The following CTNNA3 variants were observed in gnomAD, a reference collection of about 807,000 sequenced individuals.
The protein encoded by CTNNA3 is catenin alpha 3.
In CTNNA3, 76 loss-of-function variants were observed where a neutral mutation model predicts 95.7. The ratio of observed to expected loss-of-function variants is 0.79; its 90% CI spans 0.66 to 0.96. The LOEUF (loss-of-function observed/expected upper bound fraction) is 0.96. CTNNA3 is among the 40% of genes least tolerant of loss of function. The pLI, the probability that CTNNA3 is intolerant of heterozygous loss-of-function variation, is 0.00. For synonymous variants in CTNNA3, 431 were observed against 374.4 expected (o/e 1.15, Z -1.74); for missense variants, 1,191 against 1,089.8 (o/e 1.09, Z -1.31).
At chr10:66,871,863 A>G (rs1448598836) in intron 7 of CTNNA3, among the ~76,000 whole-genome samples, 1 of 152,226 alleles carries the variant, frequency 6.6e-6, no homozygotes, top group African/African-American at 2.4e-5. Flanking sequence ...ATTTTATACG[A>G]TAAATTTCAT....
At chr10:66,078,128 G>A (rs1039820636) in intron 14 of CTNNA3, among the ~76,000 whole-genome samples, 4 of 151,810 alleles carry the variant, frequency 2.6e-5, no homozygotes, top group African/African-American at 7.2e-5. Context: ...TACATTTTTA[G>A]ACAGAGGTAG....
chr10:67,325,340 C>T (rs1841497004), intron 5 of CTNNA3, among the ~76,000 whole-genome samples: 1 of 151,986 alleles, frequency 6.6e-6, no homozygotes, highest in Non-Finnish European at 1.5e-5. Context: ...GTTAACTTGA[C>T]ATCTTTCTAA....
chr10:66,637,777 A>G (rs1368353694), intron 9 of CTNNA3, among the ~76,000 whole-genome samples: 1 of 152,180 alleles, frequency 6.6e-6, no homozygotes, highest in African/African-American at 2.4e-5. Flanking sequence ...GAGAATGCCA[A>G]TAAAAGCCCA....
chr10:66,513,522 A>G, intron 11 of CTNNA3, among the ~76,000 whole-genome samples: 1 of 152,156 alleles, frequency 6.6e-6, no homozygotes, highest in East Asian at 1.9e-4. Flanking sequence ...CATTGCATGG[A>G]CCAGTTCTCA....
chr10:67,424,682 T>C lies in CTNNA3; in HGVS notation c.579+97160A>G, dbSNP rs571220606. Among the ~76,000 whole-genome samples the C allele has an allele frequency of 5.9e-5, 9 of 152,204 alleles. No individual in the cohort carries two copies. In the South Asian group the frequency reaches 1.9e-3, roughly 31 times the overall value. On this transcript the variant is annotated intron_variant, in intron 5 of 17. Coordinates refer to ENST00000433211, the MANE Select transcript of CTNNA3 (RefSeq NM_013266.4). ...AAAACAGAAAAAATAGAATCATCAT[T>C]ATACTCAATAATTTTCTTCCTAGCA... is the stretch of plus-strand genomic sequence containing the variant.
intron 13 of CTNNA3, among the ~76,000 whole-genome samples, chr10:66,169,643 T>C (rs1353036937): frequency 6.6e-6 from 1 of 152,198 alleles, no homozygotes; most frequent in Non-Finnish European, 1.5e-5. Flanking sequence ...CCACCAGCAG[T>C]GTAGAAGTGT....
intron 13 of CTNNA3, among the ~76,000 whole-genome samples, chr10:66,176,083 T>G (rs1589642068): frequency 6.6e-6 from 1 of 152,306 alleles, no homozygotes; most frequent in East Asian, 1.9e-4. Context: ...ATTATAATTG[T>G]AAAGAAATCT....
At chr10:66,079,987 A>G (rs2080692950) in intron 14 of CTNNA3, among the ~76,000 whole-genome samples, 1 of 152,078 alleles carries the variant, frequency 6.6e-6, no homozygotes, top group Non-Finnish European at 1.5e-5. Context: ...TACTACTATT[A>G]TTTCTTTCTG....
At position 66,624,639 on chromosome 10, in the gene CTNNA3, C is replaced by T. The variant is rs992466139; in HGVS notation, c.1282-2855G>A. On this transcript the variant is annotated intron_variant, in intron 9 of 17. Coordinates refer to ENST00000433211, the MANE Select transcript of CTNNA3 (RefSeq NM_013266.4). ...CCCTACTGAAAGGCATTCATTAAAA[C>T]GAGAGAAATGAAAGGAAAAACTCAA... Among the ~76,000 whole-genome samples, 12 of 152,048 alleles carry T rather than the reference C, an allele frequency of 7.9e-5. No homozygotes were observed. The South Asian group carries it at 1.2e-3, about 16-fold the overall frequency.
chr10:66,103,379 T>C, intron 13 of CTNNA3, 130 bp from the exon 14 acceptor site: 2 of 687,576 alleles, frequency 2.9e-6, no homozygotes, highest in South Asian at 3.3e-5. Flanking sequence ...CTCCCAGTTA[T>C]ATACTCAAGA....
chr10:67,070,544 C>T (rs748392002), intron 7 of CTNNA3, among the ~76,000 whole-genome samples: 4 of 151,974 alleles, frequency 2.6e-5, no homozygotes, highest in Admixed American at 6.6e-5. Context: ...GTCCGGAGAT[C>T]GAGACCATCT....
intron 7 of CTNNA3, among the ~76,000 whole-genome samples, chr10:66,909,419 A>G (rs1846128626): frequency 6.6e-6 from 1 of 152,134 alleles, no homozygotes. Flanking sequence ...TTGATGCAGG[A>G]GAATTGCTTG....
At chr10:66,190,764 A>C (rs1182698363) in intron 13 of CTNNA3, among the ~76,000 whole-genome samples, 1 of 151,996 alleles carries the variant, frequency 6.6e-6, no homozygotes, top group African/African-American at 2.4e-5. Context: ...CACTCAAGTA[A>C]CTGGCCCATC....
intron 13 of CTNNA3, among the ~76,000 whole-genome samples, chr10:66,133,471 C>T (rs2083214320): frequency 6.6e-6 from 1 of 151,496 alleles, no homozygotes; most frequent in Admixed American, 6.6e-5. Context: ...CGAGATCACG[C>T]CATTGCACTA....
chr10:66,033,920 C>G (rs146451621), intron 15 of CTNNA3, among the ~76,000 whole-genome samples: 2 of 152,146 alleles, frequency 1.3e-5, no homozygotes, highest in African/African-American at 4.8e-5. Flanking sequence ...CCCGGCTGCT[C>G]GCATTCAAAT....
At chr10:67,367,875 GACA>G (rs1222583609) in intron 5 of CTNNA3, among the ~76,000 whole-genome samples, 23 of 152,112 alleles carry the variant, frequency 1.5e-4, no homozygotes, top group Non-Finnish European at 2.4e-4. Context: ...TAAAAATGGT[GACA>G]ACAAGAGTGC....
At chr10:65,929,245 T>C (rs570212897) in intron 17 of CTNNA3, among the ~76,000 whole-genome samples, 35 of 151,686 alleles carry the variant, frequency 2.3e-4, no homozygotes, top group Non-Finnish European at 4.4e-4. Context: ...ATGGTGTATA[T>C]GTGCCACATT....
chr10:66,943,190 G>A lies in CTNNA3; in HGVS notation c.1048-167666C>T, dbSNP rs531552018. ...GTTCTTTTTAAAGACTTTGAAAAGA[G>A]CAGAGACGAGAAAAGCTAGAAGAGT... On this transcript the variant is annotated intron_variant, in intron 7 of 17. Coordinates refer to ENST00000433211, the MANE Select transcript of CTNNA3 (RefSeq NM_013266.4). Among the ~76,000 whole-genome samples the A allele has an allele frequency of 9.2e-5, 14 of 152,306 alleles. No individual in the cohort carries two copies. In the South Asian group the frequency reaches 1.9e-3, roughly 20 times the overall value.
intron 4 of CTNNA3, among the ~76,000 whole-genome samples, chr10:67,538,567 G>A (rs549880743): frequency 4.0e-4 from 59 of 147,298 alleles, no homozygotes; most frequent in African/African-American, 1.0e-3. Flanking sequence ...GCGACAGTGC[G>A]AGACTCCATC....
Sources: gnomAD v4.1 joint callset for allele counts (sites outside exome capture counted in the v4.1 genomes callset) on GRCh38, gnomAD v4.1.1 for gene constraint, MANE v1.5 for transcripts, NCBI Gene and HGNC (gene_info 2026-07-23, HGNC 2026-07-21) for gene names.